Variants in MAMLD1 observed in about 807,000 individuals in gnomAD.
MAMLD1 encodes the protein mastermind-like domain-containing protein 1.
A neutral mutation model predicts 45.0 loss-of-function variants in MAMLD1; 14 were observed. That is an observed-to-expected ratio of 0.31 (90% CI 0.21 to 0.49). The LOEUF (loss-of-function observed/expected upper bound fraction) is 0.49. Ranked by LOEUF, MAMLD1 falls within the 20% of genes least tolerant of loss-of-function variation. The probability of loss-of-function intolerance (pLI) is 0.99; values close to 1 mark genes in which losing one functional copy is unlikely to be tolerated. For missense variants in MAMLD1, 543 were observed against 603.6 expected, an observed-to-expected ratio of 0.90 and a Z score of 1.05; for synonymous variants, 254 against 247.8, an observed-to-expected ratio of 1.02 and a Z score of -0.24.
chrX:150,440,682 A>G (rs2035270949), intron 1 of MAMLD1, among the ~76,000 whole-genome samples: 1 of 108,735 alleles, frequency 9.2e-6, no homozygotes, highest in South Asian at 3.7e-4. Context: ...TCTGCAGTCT[A>G]TAGTAACATC....
At chrX:150,496,086 T>C (rs1364188865) in intron 5 of MAMLD1, among the ~76,000 whole-genome samples, 1 of 112,862 alleles carries the variant, frequency 8.9e-6, no homozygotes, top group Non-Finnish European at 1.9e-5. Flanking sequence ...TGCTGTCTAA[T>C]TCCAGAAGTC....
At chrX:150,439,497 T>A (rs2035226677) in intron 1 of MAMLD1, among the ~76,000 whole-genome samples, 1 of 111,963 alleles carries the variant, frequency 8.9e-6, no homozygotes, top group African/African-American at 3.2e-5. Context: ...TTGAGCTGAA[T>A]TTTGTATATG....
At chrX:150,367,944 TA>T (rs1392537820) in intron 1 of MAMLD1, among the ~76,000 whole-genome samples, 2 of 111,967 alleles carry the variant, frequency 1.8e-5, no homozygotes, top group Admixed American at 1.9e-4. Context: ...CACATTTTCT[TA>T]AGCCAGTCTA....
At position 150,512,761 on chromosome X, in the gene MAMLD1, CGCT is replaced by C; in HGVS notation, c.*812_*814del. 8.7e-7 allele frequency: 1 copy of C among 1,154,621 alleles called. No individual in the cohort carries two copies. Among genetic ancestry groups the C allele is most frequent in the Non-Finnish European group, 1.1e-6 (1 of 871,652 alleles). On this transcript the variant is annotated 3_prime_UTR_variant, in exon 8 of 8. Transcript: ENST00000370401. The stretch of plus-strand genomic sequence containing the variant: ...CAAGCTATGTGGCTGCTGCTGCCAC[CGCT>C]GCTGCTGCTTCTGCCGTTGCTGCCA...
At chrX:150,411,392 A>G (rs1269447686) in intron 1 of MAMLD1, among the ~76,000 whole-genome samples, 2 of 111,648 alleles carry the variant, frequency 1.8e-5, no homozygotes, top group Admixed American at 9.4e-5. Context: ...GTTTGCCAGC[A>G]CTGATGGCCC....
At chrX:150,433,322 G>T (rs1202144753) in intron 1 of MAMLD1, among the ~76,000 whole-genome samples, 2 of 111,999 alleles carry the variant, frequency 1.8e-5, no homozygotes, top group Non-Finnish European at 3.8e-5. Flanking sequence ...CAAGAATATG[G>T]CATTTTCTAG....
intron 6 of MAMLD1, among the ~76,000 whole-genome samples, chrX:150,508,424 G>A (rs1165525050): frequency 9.2e-6 from 1 of 108,641 alleles, no homozygotes; most frequent in Admixed American, 9.7e-5. Flanking sequence ...TAGGGCAGCT[G>A]AGAAACAGCC....
intron 1 of MAMLD1, among the ~76,000 whole-genome samples, chrX:150,404,874 A>G (rs1316312212): frequency 1.8e-5 from 2 of 112,241 alleles, no homozygotes; most frequent in Non-Finnish European, 3.8e-5. Context: ...AAATTACTGA[A>G]TAGTATTCTA....
chrX:150,469,232 A>T (rs147644647), intron 3 of MAMLD1, among the ~76,000 whole-genome samples: 3 of 112,249 alleles, frequency 2.7e-5, no homozygotes, highest in Non-Finnish European at 5.6e-5. Context: ...TCCTTCGTTA[A>T]AATCTATGTG....
chrX:150,428,536 A>G (rs940072669), intron 1 of MAMLD1, among the ~76,000 whole-genome samples: 20 of 112,267 alleles, frequency 1.8e-4, no homozygotes, highest in Admixed American at 5.7e-4. Flanking sequence ...GCAGGTGCTC[A>G]TGAACATTGC....
At chrX:150,408,913 A>G (rs1386950536) in intron 1 of MAMLD1, among the ~76,000 whole-genome samples, 3 of 112,109 alleles carry the variant, frequency 2.7e-5, no homozygotes, top group Non-Finnish European at 5.6e-5. Flanking sequence ...CAATGGAGAA[A>G]GGAAATAAGA....
intron 1 of MAMLD1, among the ~76,000 whole-genome samples, chrX:150,430,388 A>G (rs2034892843): frequency 9.0e-6 from 1 of 110,577 alleles, no homozygotes; most frequent in Non-Finnish European, 1.9e-5. Flanking sequence ...GTTTGCAAAT[A>G]TTTTCTCCCA....
At chrX:150,436,311 A>G (rs1225696819) in intron 1 of MAMLD1, among the ~76,000 whole-genome samples, 1 of 111,692 alleles carries the variant, frequency 9.0e-6, no homozygotes, top group Non-Finnish European at 1.9e-5. Context: ...ATCCTGAAAT[A>G]TGTTTTCCAA....
chrX:150,398,337 AGAAGAG>A (rs781831991), intron 1 of MAMLD1, among the ~76,000 whole-genome samples: 3,756 of 51,273 alleles, frequency 0.073, 261 homozygotes, highest in Admixed American at 0.12. Context: ...AAGAAGAAGA[AGAAGAG>A]GAAGAGGAAG....
chrX:150,411,399 GC>G (rs1225134557), intron 1 of MAMLD1, among the ~76,000 whole-genome samples: 2,047 of 112,026 alleles, frequency 0.018, 15 homozygotes, highest in Non-Finnish European at 0.028. Flanking sequence ...AGCACTGATG[GC>G]CCCCCACCCC....
In MAMLD1 at chrX:150,470,437, G is replaced by A; in HGVS notation, c.864G>A (p.Met288Ile). ...MAQSKSQVQA[M>I]LPVALPPLPV... ...AGTCCAAGAGCCAGGTCCAGGCCAT[G>A]CTCCCTGTCGCTCTGCCCCCCTTAC... Residue 288 changes from methionine to isoleucine, a missense_variant, in exon 4 of 8, where the codon ATG (methionine) becomes ATA (isoleucine). Physicochemically the swap from Met to Ile is conservative, Grantham distance 10. Transcript: ENST00000370401. The A allele has an allele frequency of 8.3e-7, 1 of 1,211,924 alleles. No homozygotes were observed. Among genetic ancestry groups the A allele is most frequent in the Non-Finnish European group, 1.1e-6 (1 of 895,598 alleles).
intron 5 of MAMLD1, among the ~76,000 whole-genome samples, chrX:150,501,367 A>G (rs1264627976): frequency 8.9e-6 from 1 of 112,181 alleles, no homozygotes; most frequent in Non-Finnish European, 1.9e-5. Flanking sequence ...ATGCAGGCAG[A>G]AAGAACTGTC....
At chrX:150,481,209 C>A (rs2036742723) in intron 5 of MAMLD1, among the ~76,000 whole-genome samples, 1 of 113,193 alleles carries the variant, frequency 8.8e-6, no homozygotes, top group Non-Finnish European at 1.9e-5. Context: ...GATTCCATGA[C>A]CCTTTCCCTT....
chrX:150,364,639 G>A (rs2031251567), intron 1 of MAMLD1, among the ~76,000 whole-genome samples: 1 of 112,320 alleles, frequency 8.9e-6, no homozygotes, highest in South Asian at 3.7e-4. Flanking sequence ...GCCCCCCGGG[G>A]GCGCGGTCCC....
Sources: gnomAD v4.1 joint callset for allele counts (sites outside exome capture counted in the v4.1 genomes callset) on GRCh38, gnomAD v4.1.1 for gene constraint, MANE v1.5 for transcripts, NCBI Gene and HGNC (gene_info 2026-07-23, HGNC 2026-07-21) for gene names.